PDZRN4: variants seen among roughly 807,000 people sequenced by gnomAD.
PDZRN4 encodes PDZ domain-containing RING finger protein 4.
PDZRN4 carries 70 observed loss-of-function variants against 99.0 expected under a neutral mutation model. The observed-to-expected ratio is 0.71, with a 90% confidence interval of 0.58 to 0.86. PDZRN4 has a LOEUF of 0.86. Among genes scored for constraint, PDZRN4 ranks in the 40% least tolerant of loss-of-function variants. The pLI is 0.00. For synonymous variants in PDZRN4, 551 were observed against 501.6 expected (o/e 1.10, Z -1.32); for missense variants, 1,474 against 1,331.2 (o/e 1.11, Z -1.67).
chr12:41,447,221 T>G (rs1375543362), intron 3 of PDZRN4, among the ~76,000 whole-genome samples: 1 of 152,152 alleles, frequency 6.6e-6, no homozygotes, highest in African/African-American at 2.4e-5. Flanking sequence ...TAGGTAGATT[T>G]TGCCATTTGC....
At chr12:41,481,030 A>G (rs957066780) in intron 3 of PDZRN4, among the ~76,000 whole-genome samples, 2 of 151,980 alleles carry the variant, frequency 1.3e-5, no homozygotes, top group South Asian at 2.1e-4. Flanking sequence ...CCCTCTGTAT[A>G]AATGAATTAA....
intron 3 of PDZRN4, chr12:41,412,125 T>C (rs1270986539): frequency 1.3e-5 from 2 of 152,194 alleles, no homozygotes; most frequent in Non-Finnish European, 2.9e-5. Context: ...TCCCGTAGAT[T>C]TTTCCCACCT....
intron 3 of PDZRN4, among the ~76,000 whole-genome samples, chr12:41,407,770 G>A (rs957807023): frequency 6.6e-6 from 1 of 151,838 alleles, no homozygotes; most frequent in Non-Finnish European, 1.5e-5. Flanking sequence ...TAAGAAGTAA[G>A]GTTCACCTAA....
intron 3 of PDZRN4, among the ~76,000 whole-genome samples, chr12:41,225,540 T>C (rs1950987886): frequency 6.6e-6 from 1 of 152,144 alleles, no homozygotes; most frequent in Admixed American, 6.5e-5. Flanking sequence ...TAAATGCTTT[T>C]GTAATAATTT....
intron 3 of PDZRN4, among the ~76,000 whole-genome samples, chr12:41,214,402 C>T (rs1489135734): frequency 1.7e-5 from 2 of 116,702 alleles, no homozygotes; most frequent in African/African-American, 6.5e-5. Flanking sequence ...GCACTCTAGC[C>T]TGGGCAATAG....
chr12:41,261,545 C>A (rs74679329), intron 3 of PDZRN4, among the ~76,000 whole-genome samples: 2 of 152,080 alleles, frequency 1.3e-5, no homozygotes, highest in Non-Finnish European at 2.9e-5. Flanking sequence ...GCTGGAGTGC[C>A]GTGGCGCGAT....
intron 5 of PDZRN4, among the ~76,000 whole-genome samples, chr12:41,515,443 A>G (rs550864149): frequency 6.8e-4 from 104 of 152,162 alleles, no homozygotes; most frequent in South Asian, 8.3e-4. Context: ...CATTAAAAAA[A>G]TCACCTTCAT....
chr12:41,216,998 C>G (rs557452303), intron 3 of PDZRN4, among the ~76,000 whole-genome samples: 19 of 152,178 alleles, frequency 1.2e-4, no homozygotes, highest in African/African-American at 4.3e-4. Context: ...AACATCATAT[C>G]CTTCTCAAAA....
intron 3 of PDZRN4, among the ~76,000 whole-genome samples, chr12:41,500,347 C>G (rs1938088441): frequency 6.6e-6 from 1 of 151,946 alleles, no homozygotes; most frequent in South Asian, 2.1e-4. Context: ...GTTGTCCAGA[C>G]AGACAAGCAG....
chr12:41,451,629 G>A (rs1216296671), intron 3 of PDZRN4, among the ~76,000 whole-genome samples: 2 of 152,118 alleles, frequency 1.3e-5, no homozygotes, highest in African/African-American at 4.8e-5. Context: ...AGAGCAAATG[G>A]TGTATATAAT....
intron 3 of PDZRN4, among the ~76,000 whole-genome samples, chr12:41,283,452 T>C (rs775410478): frequency 6.6e-6 from 1 of 152,162 alleles, no homozygotes; most frequent in Non-Finnish European, 1.5e-5. Context: ...GCTGATCCCA[T>C]TCCTTCTGAA....
chr12:41,408,852 T>C (rs1952369787), intron 3 of PDZRN4, among the ~76,000 whole-genome samples: 1 of 152,124 alleles, frequency 6.6e-6, no homozygotes, highest in East Asian at 1.9e-4. Flanking sequence ...TCTTGCTCTC[T>C]TTCTCCCCCT....
chr12:41,381,562 C>T (rs1234496014), intron 3 of PDZRN4, among the ~76,000 whole-genome samples: 1 of 152,090 alleles, frequency 6.6e-6, no homozygotes, highest in Non-Finnish European at 1.5e-5. Flanking sequence ...TTCTTCAGCT[C>T]TTAATTTTTT....
rs760115900 is a variant in PDZRN4, at chr12:41,194,066, A to G, written c.736-15A>G. On this transcript the variant is annotated splice_polypyrimidine_tract_variant and intron_variant, in intron 2 of 9. Transcript: ENST00000402685. ...TGCTTACATCTTTCTTCTGCTAATG[A>G]TTTTTTAAAAATAGAATAATCAGGA... 7.4e-6 allele frequency: 9 copies of G among 1,213,944 alleles called. No individual in the cohort carries two copies. The highest frequency in any genetic ancestry group is 1.1e-5 in the Non-Finnish European group (9 of 833,804). 75.2% of individuals were successfully genotyped at this position (1,213,944 alleles called of 1,614,324 possible).
At chr12:41,227,529 G>A (rs1294391784) in intron 3 of PDZRN4, among the ~76,000 whole-genome samples, 3 of 152,022 alleles carry the variant, frequency 2.0e-5, no homozygotes, top group Admixed American at 6.6e-5. Context: ...TCCAGGTGTG[G>A]TGGCACATAC....
At chr12:41,396,200 T>C (rs769906239) in intron 3 of PDZRN4, among the ~76,000 whole-genome samples, 11 of 152,122 alleles carry the variant, frequency 7.2e-5, no homozygotes, top group Non-Finnish European at 1.6e-4. Flanking sequence ...GCTGTGAACG[T>C]TTTCTGCCAC....
chr12:41,286,874 CTA>C (rs1226659913), intron 3 of PDZRN4, among the ~76,000 whole-genome samples: 1 of 152,122 alleles, frequency 6.6e-6, no homozygotes, highest in African/African-American at 2.4e-5. Flanking sequence ...GGATATTTTT[CTA>C]TGTTAATCAT....
chr12:41,225,759 C>A (rs1950989687), intron 3 of PDZRN4, among the ~76,000 whole-genome samples: 1 of 152,054 alleles, frequency 6.6e-6, no homozygotes, highest in South Asian at 2.1e-4. Context: ...CCATTTCTGT[C>A]GTCAATTGTG....
chr12:41,551,725 T>C (rs1339633461), intron 5 of PDZRN4, among the ~76,000 whole-genome samples: 1 of 152,196 alleles, frequency 6.6e-6, no homozygotes, highest in Non-Finnish European at 1.5e-5. Context: ...CTTCATCCAA[T>C]TATTTACTAA....
Sources: gnomAD v4.1 joint callset for allele counts (sites outside exome capture counted in the v4.1 genomes callset) on GRCh38, gnomAD v4.1.1 for gene constraint, MANE v1.5 for transcripts, NCBI Gene and HGNC (gene_info 2026-07-23, HGNC 2026-07-21) for gene names.